SPOCK3: variants seen among roughly 807,000 people sequenced by gnomAD.
The protein encoded by SPOCK3 is SPARC (osteonectin), cwcv and kazal like domains proteoglycan 3.
Under a neutral mutation model 56.6 loss-of-function variants are expected in SPOCK3, and 30 were observed. That is an observed-to-expected ratio of 0.53 (90% CI 0.40 to 0.72). SPOCK3 has a LOEUF of 0.72. SPOCK3 is among the 30% of genes least tolerant of loss of function. The pLI is 0.00. For synonymous variants in SPOCK3, 196 were observed against 183.3 expected (o/e 1.07, Z -0.56); for missense variants, 527 against 530.0 (o/e 0.99, Z 0.06).
intron 2 of SPOCK3, among the ~76,000 whole-genome samples, chr4:167,122,188 AC>A (rs1406744272): frequency 2.7e-4 from 39 of 146,378 alleles, no homozygotes; most frequent in Admixed American, 7.7e-4. Context: ...CTTTCTTGAG[AC>A]AGGGTCTAGA....
chr4:166,740,280 T>C (rs1246036889), intron 9 of SPOCK3, among the ~76,000 whole-genome samples: 1 of 152,038 alleles, frequency 6.6e-6, no homozygotes, highest in African/African-American at 2.4e-5. Flanking sequence ...TCTATAATAA[T>C]TTTCATTTAT....
At chr4:166,908,545 C>CAT (rs1736883828) in intron 5 of SPOCK3, among the ~76,000 whole-genome samples, 2 of 151,628 alleles carry the variant, frequency 1.3e-5, no homozygotes. Flanking sequence ...CACACACACA[C>CAT]ACACACACAC....
intron 2 of SPOCK3, among the ~76,000 whole-genome samples, chr4:167,165,610 G>A (rs1765690726): frequency 6.6e-6 from 1 of 152,018 alleles, no homozygotes; most frequent in African/African-American, 2.4e-5. Context: ...GTTAAATTTG[G>A]TTCAATTCCT....
chr4:166,821,735 G>C lies in SPOCK3; in HGVS notation c.590-29446C>G, dbSNP rs571271897. ...CAGAAAGTAGATTAGTGGTTGCCAG[G>C]AGATGGAGATGGGAATTAACAATGT... On this transcript the variant is annotated intron_variant, in intron 6 of 10. Transcript: ENST00000357545. Among the ~76,000 whole-genome samples the C allele has an allele frequency of 9.5e-4, 144 of 152,148 alleles. 1 individual carries two copies. Among genetic ancestry groups the C allele is most frequent in the African/African-American group, 3.2e-3 (135 of 41,544 alleles).
At chr4:167,182,268 C>T (rs1255066542) in intron 2 of SPOCK3, among the ~76,000 whole-genome samples, 1 of 151,978 alleles carries the variant, frequency 6.6e-6, no homozygotes, top group Non-Finnish European at 1.5e-5. Flanking sequence ...CAATATCTGT[C>T]TAGTTTTCCA....
At chr4:167,150,514 A>C (rs1295213378) in intron 2 of SPOCK3, among the ~76,000 whole-genome samples, 1 of 152,116 alleles carries the variant, frequency 6.6e-6, no homozygotes, top group Non-Finnish European at 1.5e-5. Context: ...AAAGAGTGGA[A>C]GACACAGCCA....
intron 6 of SPOCK3, among the ~76,000 whole-genome samples, chr4:166,838,041 A>T (rs1363836513): frequency 1.3e-5 from 2 of 152,124 alleles, no homozygotes; most frequent in Non-Finnish European, 2.9e-5. Flanking sequence ...CCATTGCCAA[A>T]CAAATTGTTT....
intron 4 of SPOCK3, among the ~76,000 whole-genome samples, chr4:166,919,363 A>T (rs1738233532): frequency 6.6e-6 from 1 of 152,216 alleles, no homozygotes; most frequent in African/African-American, 2.4e-5. Flanking sequence ...TCCAGTTATT[A>T]TCATACTTGA....
intron 2 of SPOCK3, among the ~76,000 whole-genome samples, chr4:167,200,068 C>G (rs1194943564): frequency 1.3e-5 from 2 of 151,950 alleles, no homozygotes; most frequent in Non-Finnish European, 2.9e-5. Context: ...CTGAATTTCT[C>G]CAGAAGGGAA....
chr4:167,143,025 G>A (rs1763660663), intron 2 of SPOCK3, among the ~76,000 whole-genome samples: 1 of 151,876 alleles, frequency 6.6e-6, no homozygotes, highest in African/African-American at 2.4e-5. Flanking sequence ...ATGTGTAAAA[G>A]CCAGAATAAT....
intron 3 of SPOCK3, among the ~76,000 whole-genome samples, chr4:167,043,988 T>C (rs551250528): frequency 1.9e-4 from 29 of 152,130 alleles, no homozygotes; most frequent in Middle Eastern, 3.4e-3. Flanking sequence ...CCTTTGATTC[T>C]TCTATCTTCT....
At chr4:167,040,016 C>G (rs566421937) in intron 3 of SPOCK3, among the ~76,000 whole-genome samples, 1 of 152,100 alleles carries the variant, frequency 6.6e-6, no homozygotes, top group Non-Finnish European at 1.5e-5. Context: ...TTTTGCAGAA[C>G]GACTAAGTTG....
chr4:166,873,252 G>A (rs1301064279), intron 6 of SPOCK3, among the ~76,000 whole-genome samples: 1 of 150,990 alleles, frequency 6.6e-6, no homozygotes, highest in Non-Finnish European at 1.5e-5. Flanking sequence ...TTGGAGAAGA[G>A]AGGGATGAAA....
chr4:167,028,521 A>G (rs1453487201), intron 3 of SPOCK3, among the ~76,000 whole-genome samples: 2 of 152,146 alleles, frequency 1.3e-5, no homozygotes, highest in East Asian at 1.9e-4. Flanking sequence ...GGCCCCTTAT[A>G]TTGTTGTTCT....
chr4:166,880,959 C>G (rs1182568986), intron 6 of SPOCK3, among the ~76,000 whole-genome samples: 1 of 152,010 alleles, frequency 6.6e-6, no homozygotes, highest in Non-Finnish European at 1.5e-5. Flanking sequence ...CTGGTATGTT[C>G]AATAATTTGC....
intron 2 of SPOCK3, among the ~76,000 whole-genome samples, chr4:167,180,698 A>C (rs1731382045): frequency 6.6e-6 from 1 of 152,164 alleles, no homozygotes; most frequent in African/African-American, 2.4e-5. Context: ...TAGCCACCAG[A>C]AAAATAGCTA....
At chr4:166,777,688 G>C (rs1739717756) in intron 7 of SPOCK3, among the ~76,000 whole-genome samples, 1 of 152,104 alleles carries the variant, frequency 6.6e-6, no homozygotes, top group Non-Finnish European at 1.5e-5. Context: ...AATGAGCTAT[G>C]ATTGCACCAC....
intron 6 of SPOCK3, among the ~76,000 whole-genome samples, chr4:166,832,400 C>A (rs1357331780): frequency 3.3e-5 from 5 of 149,296 alleles, no homozygotes; most frequent in African/African-American, 4.9e-5. Context: ...ATTAAAAAAT[C>A]AAAAAAAAAA....
intron 2 of SPOCK3, among the ~76,000 whole-genome samples, chr4:167,207,683 T>C (rs985977676): frequency 2.0e-5 from 3 of 152,132 alleles, no homozygotes; most frequent in Non-Finnish European, 4.4e-5. Context: ...TTAATACAAA[T>C]GTAAACCTAT....
Sources: gnomAD v4.1 joint callset for allele counts (sites outside exome capture counted in the v4.1 genomes callset) on GRCh38, gnomAD v4.1.1 for gene constraint, MANE v1.5 for transcripts, NCBI Gene and HGNC (gene_info 2026-07-23, HGNC 2026-07-21) for gene names.